Variants in CUX2 observed in about 807,000 individuals in gnomAD.
CUX2 encodes homeobox protein cut-like 2.
A neutral mutation model predicts 144.8 loss-of-function variants in CUX2; 40 were observed. The observed-to-expected ratio is 0.28, with a 90% CI of 0.21 to 0.36. The LOEUF is 0.36. CUX2 is among the 10% of genes least tolerant of loss of function. The probability of loss-of-function intolerance (pLI) is 1.00; values close to 1 mark genes in which losing one functional copy is unlikely to be tolerated. For missense variants in CUX2, 1,615 were observed against 1,994.0 expected (o/e 0.81, Z 3.62); for synonymous variants, 827 against 875.6 (o/e 0.94, Z 0.98).
At chr12:111,084,183 C>T (rs904271259) in intron 1 of CUX2, among the ~76,000 whole-genome samples, 1 of 152,328 alleles carries the variant, frequency 6.6e-6, no homozygotes, top group Non-Finnish European at 1.5e-5. Flanking sequence ...TGGTCTACAG[C>T]GGTGAAGACT....
intron 16 of CUX2, among the ~76,000 whole-genome samples, chr12:111,317,241 G>A (rs1020186230): frequency 3.9e-5 from 6 of 152,120 alleles, no homozygotes; most frequent in Non-Finnish European, 5.9e-5. Flanking sequence ...CTCTGGTGTC[G>A]GGAACGCTTC....
At chr12:111,319,865 T>G in intron 16 of CUX2, 147 bp from the exon 17 acceptor site, 1 of 1,238,382 alleles carries the variant, frequency 8.1e-7, no homozygotes. Context: ...CAGGGAGGGA[T>G]CATAATTTAG....
At chr12:111,328,968 T>TCTCTCTCTCTCC (rs1887954235) in intron 18 of CUX2, among the ~76,000 whole-genome samples, 1 of 103,994 alleles carries the variant, frequency 9.6e-6, no homozygotes, top group Non-Finnish European at 1.8e-5. Context: ...TCTCTCTCTC[T>TCTCTCTCTCTCC]CTCTCTCCCC....
chr12:111,221,920 TC>T (rs1481325554), intron 3 of CUX2, among the ~76,000 whole-genome samples: 1 of 152,168 alleles, frequency 6.6e-6, no homozygotes, highest in African/African-American at 2.4e-5. Context: ...TTTCTCCTGT[TC>T]AGGGAAACAA....
intron 1 of CUX2, among the ~76,000 whole-genome samples, chr12:111,052,406 A>G (rs978638725): frequency 3.3e-5 from 5 of 150,972 alleles, no homozygotes; most frequent in African/African-American, 1.2e-4. Context: ...AGGGCAGAGC[A>G]CATAGTAGGC....
intron 19 of CUX2, among the ~76,000 whole-genome samples, chr12:111,336,027 G>C (rs1195186658): frequency 6.6e-6 from 1 of 152,174 alleles, no homozygotes; most frequent in Non-Finnish European, 1.5e-5. Flanking sequence ...ACCTGGGTCT[G>C]GGATAGGACA....
In CUX2 at chr12:111,338,326, G is replaced by A; in HGVS notation, c.3237G>A (p.Gln1079=). Residue 1079 remains glutamine (Q), a synonymous_variant, in exon 20 of 22, where the codon CAG becomes CAA. Transcript: ENST00000261726. ...GGGAAAGCATCCTGGGTCTGACACAGGGCTCCGTGTCTGACCTGCTGTCCC... is the reference window on the plus strand; with the variant it reads ...GGGAAAGCATCCTGGGTCTGACACAAGGCTCCGTGTCTGACCTGCTGTCCC... ...LFGESILGLT[Q]GSVSDLLSRP... 1 of 1,613,682 alleles carries A rather than the reference G, an allele frequency of 6.2e-7. No individual in the cohort carries two copies. The highest frequency in any genetic ancestry group is 8.5e-7 in the Non-Finnish European group (1 of 1,179,844).
Position 111,037,783 on chromosome 12 carries a change from T to A in CUX2, c.63+3543T>A. On this transcript the variant is annotated intron_variant, in intron 1 of 21. Transcript: ENST00000261726. This position sits in a 1 kb window ranked among gnomAD's most constrained non-coding sequence, Gnocchi z 5.4. ...TTTCTTTTTCTGCTTAACTTTCTAC[T>A]TTTTTTTTTTACCATGCTCTGGGTC... Among the ~76,000 whole-genome samples the A allele has an allele frequency of 6.8e-6, 1 of 146,726 alleles. No homozygotes were observed. Among genetic ancestry groups the A allele is most frequent in the East Asian group, 2.0e-4 (1 of 5,128 alleles).
chr12:111,263,758 A>G lies in CUX2; in HGVS notation c.223-3A>G. On this transcript the variant is annotated splice_polypyrimidine_tract_variant and splice_region_variant and intron_variant, in intron 3 of 21. Coordinates refer to ENST00000261726, the MANE Select transcript of CUX2 (RefSeq NM_015267.4). The surrounding 1 kb of genome is among the most constrained non-coding windows in gnomAD (Gnocchi z 4.0). ...GTGACTCTTTCTCTTGTTGTCTCCA[A>G]AGGTGGTGGCCCTTAGTAAGAGAAG... The G allele has an allele frequency of 6.2e-7, 1 of 1,613,214 alleles. No individual in the cohort carries two copies. The highest frequency in any genetic ancestry group is 8.5e-7 in the Non-Finnish European group (1 of 1,179,272).
intron 18 of CUX2, among the ~76,000 whole-genome samples, chr12:111,324,861 C>T (rs568148302): frequency 8.6e-5 from 13 of 152,012 alleles, no homozygotes; most frequent in African/African-American, 2.7e-4. Flanking sequence ...GTGTCAGCAT[C>T]GATTACGGTG....
chr12:111,157,271 C>G (rs927885763), intron 1 of CUX2, among the ~76,000 whole-genome samples: 4 of 148,788 alleles, frequency 2.7e-5, no homozygotes, highest in Non-Finnish European at 5.9e-5. Flanking sequence ...AAAAGAGAGC[C>G]TCATTCAATC....
At chr12:111,252,510 C>G (rs369311129) in intron 3 of CUX2, among the ~76,000 whole-genome samples, 3 of 152,278 alleles carry the variant, frequency 2.0e-5, no homozygotes, top group African/African-American at 7.2e-5. Context: ...TGCAAGAGGT[C>G]TCCACAGAGC....
chr12:111,102,758 C>T (rs1194342441), intron 1 of CUX2, among the ~76,000 whole-genome samples: 1 of 152,096 alleles, frequency 6.6e-6, no homozygotes, highest in Non-Finnish European at 1.5e-5. Context: ...AGGACAGCTC[C>T]TTAACCTCTC....
At chr12:111,161,837 C>A (rs144431551) in intron 1 of CUX2, among the ~76,000 whole-genome samples, 1 of 152,230 alleles carries the variant, frequency 6.6e-6, no homozygotes, top group African/African-American at 2.4e-5. Flanking sequence ...CAGGCTCAAG[C>A]AGTCCTCCCA....
intron 1 of CUX2, among the ~76,000 whole-genome samples, chr12:111,063,584 T>G (rs539193938): frequency 6.6e-6 from 1 of 152,280 alleles, no homozygotes; most frequent in South Asian, 2.1e-4. Flanking sequence ...GGCTTCCGTT[T>G]TAGATCAGTC....
rs921692695 is a variant in CUX2 at position 111,160,116 on chromosome 12, G to T, written c.64-54084G>T. Among the ~76,000 whole-genome samples, 1 of 152,244 alleles carries T rather than the reference G, an allele frequency of 6.6e-6. No homozygotes were observed. The highest frequency in any genetic ancestry group is 2.4e-5 in the African/African-American group (1 of 41,466). The stretch of plus-strand genomic sequence containing the variant: ...AATATTCATTGAGCTCCTGCTGGGT[G>T]CTGGGCGCTGGGAATACAGCAATGA... On this transcript the variant is annotated intron_variant, in intron 1 of 21. Transcript: ENST00000261726. The surrounding 1 kb of genome is among the most constrained non-coding windows in gnomAD (Gnocchi z 4.1).
Position 111,077,105 on chromosome 12 carries a change from T to C in CUX2, c.63+42865T>C, listed in dbSNP as rs766581234. ...ATTGTATTGCCTGTTCCTAACTGTT[T>C]GCAGAATACATCTCTGCCCCCCTTG... On this transcript the variant is annotated intron_variant, in intron 1 of 21. Coordinates refer to ENST00000261726, the MANE Select transcript of CUX2 (RefSeq NM_015267.4). The surrounding 1 kb of genome is among the most constrained non-coding windows in gnomAD (Gnocchi z 4.1). Among the ~76,000 whole-genome samples, 1 of 152,250 alleles carries C rather than the reference T, an allele frequency of 6.6e-6. No homozygotes were observed. Among genetic ancestry groups the C allele is most frequent in the Non-Finnish European group, 1.5e-5 (1 of 68,054 alleles).
chr12:111,295,491 C>T lies in CUX2; in HGVS notation c.637+82C>T. The T allele has an allele frequency of 8.3e-7, 1 of 1,204,476 alleles. No homozygotes were observed. The highest frequency in any genetic ancestry group is 1.2e-6 in the Non-Finnish European group (1 of 855,892). 74.6% of individuals were successfully genotyped at this position (1,204,476 alleles called of 1,614,324 possible). On this transcript the variant is annotated intron_variant, in intron 7 of 21. Transcript: ENST00000261726. This position sits in a 1 kb window ranked among gnomAD's most constrained non-coding sequence, Gnocchi z 5.0. The stretch of plus-strand genomic sequence containing the variant: ...TCAACGAGGGGTCACGGCTTGGGGT[C>T]TGCCACATCCAGGTGTTTTAGAATC...
chr12:111,285,043 C>T (rs1885308123), intron 4 of CUX2, among the ~76,000 whole-genome samples: 1 of 152,138 alleles, frequency 6.6e-6, no homozygotes, highest in Non-Finnish European at 1.5e-5. Flanking sequence ...CGGGAAAGCC[C>T]AGGGTACACC....
Sources: gnomAD v4.1 joint callset for allele counts (sites outside exome capture counted in the v4.1 genomes callset) on GRCh38, gnomAD v4.1.1 for gene constraint, Gnocchi (gnomAD v3.1) non-coding constraint, MANE v1.5 for transcripts, NCBI Gene and HGNC (gene_info 2026-07-23, HGNC 2026-07-21) for gene names.